The following CALCR variants were observed in gnomAD, a reference collection of about 807,000 sequenced individuals.
The protein encoded by CALCR is calcitonin receptor.
A neutral mutation model predicts 59.5 loss-of-function variants in CALCR; 47 were observed. The observed-to-expected ratio is 0.79, with a 90% CI of 0.63 to 1.01. The LOEUF (loss-of-function observed/expected upper bound fraction) is 1.01, where lower values mean the gene tolerates loss of function less well. Ranked by LOEUF, CALCR falls within the 50% of genes least tolerant of loss-of-function variation. CALCR has a pLI of 0.00. For missense variants in CALCR, 566 were observed against 597.1 expected (o/e 0.95, Z 0.54); for synonymous variants, 213 against 211.3 (o/e 1.01, Z -0.07).
intron 2 of CALCR, among the ~76,000 whole-genome samples, chr7:93,551,317 G>A (rs966851361): frequency 6.6e-6 from 1 of 152,150 alleles, no homozygotes; most frequent in African/African-American, 2.4e-5. Flanking sequence ...ATTTCATCAG[G>A]GAGGGTTCTA....
chr7:93,465,973 T>C (rs1290632127), intron 7 of CALCR, among the ~76,000 whole-genome samples: 1 of 151,784 alleles, frequency 6.6e-6, no homozygotes, highest in Non-Finnish European at 1.5e-5. Context: ...GCTGCAGGGT[T>C]CCTCCTTTTT....
intron 2 of CALCR, 80 bp from the exon 3 acceptor site, chr7:93,487,087 T>C (rs1800962980): frequency 1.4e-6 from 1 of 702,298 alleles, no homozygotes; most frequent in South Asian, 1.9e-5. Flanking sequence ...TCATTTTTTC[T>C]ATTTGACTTA....
intron 2 of CALCR, among the ~76,000 whole-genome samples, chr7:93,494,642 T>C (rs1355106307): frequency 6.6e-6 from 1 of 151,454 alleles, no homozygotes; most frequent in Non-Finnish European, 1.5e-5. Flanking sequence ...AAAGTTGCAC[T>C]GCAGTTGTCC....
At chr7:93,461,350 G>A (rs1194171233) in intron 7 of CALCR, among the ~76,000 whole-genome samples, 1 of 152,136 alleles carries the variant, frequency 6.6e-6, no homozygotes, top group Non-Finnish European at 1.5e-5. Flanking sequence ...TGGCCAGTGA[G>A]GTCACAGAGC....
chr7:93,438,412 A>G, intron 9 of CALCR, 142 bp from the exon 10 acceptor site: 1 of 683,170 alleles, frequency 1.5e-6, no homozygotes, highest in African/African-American at 1.8e-5. Flanking sequence ...TATTTTCACA[A>G]AAATCATCTT....
At chr7:93,469,913 A>T (rs182355005) in intron 6 of CALCR, among the ~76,000 whole-genome samples, 2 of 151,874 alleles carry the variant, frequency 1.3e-5, no homozygotes, top group African/African-American at 4.8e-5. Context: ...GATTCTTGTC[A>T]ATTTCCTCAG....
chr7:93,570,701 G>A (rs1789982779), intron 2 of CALCR, among the ~76,000 whole-genome samples: 1 of 152,174 alleles, frequency 6.6e-6, no homozygotes, highest in Non-Finnish European at 1.5e-5. Flanking sequence ...GTACCAGGCA[G>A]CTGTGCAGAG....
chr7:93,562,431 AC>A (rs1159085866), intron 2 of CALCR, among the ~76,000 whole-genome samples: 103 of 152,294 alleles, frequency 6.8e-4, no homozygotes, highest in African/African-American at 2.4e-3. Context: ...AACAACAACA[AC>A]AACAACAAAA....
At chr7:93,525,528 G>C (rs1363695622) in intron 2 of CALCR, among the ~76,000 whole-genome samples, 1 of 152,188 alleles carries the variant, frequency 6.6e-6, no homozygotes, top group Non-Finnish European at 1.5e-5. Flanking sequence ...GTTGAACACA[G>C]CAAAGGGGCC....
chr7:93,504,322 G>A (rs772242446), intron 2 of CALCR, among the ~76,000 whole-genome samples: 2 of 152,106 alleles, frequency 1.3e-5, no homozygotes, highest in Admixed American at 1.3e-4. Context: ...TTGTAATATT[G>A]TTTAAGTATA....
At chr7:93,470,256 T>TATAC (rs900765452) in intron 6 of CALCR, among the ~76,000 whole-genome samples, 3 of 139,400 alleles carry the variant, frequency 2.2e-5, no homozygotes, top group African/African-American at 8.2e-5. Context: ...TTAGGAATCT[T>TATAC]ATACACACAC....
At chr7:93,469,923 G>T (rs2115846417) in intron 6 of CALCR, among the ~76,000 whole-genome samples, 1 of 151,778 alleles carries the variant, frequency 6.6e-6, no homozygotes, top group East Asian at 1.9e-4. Flanking sequence ...AATTTCCTCA[G>T]AAAGAGTCTG....
rs919513676 is a variant in CALCR, at chr7:93,486,936, G to A, written c.46C>T (p.Leu16=). The change falls in exon 3 of 14, where the codon CTA becomes TTA. Residue 16 remains leucine (L), a synonymous_variant. Transcript: ENST00000426151. ...AATACTTTTGTTTTACTTACATTTA[G>A]AAGAAGAAACAGTGCCAAGCACCGG... ...TSRCLALFLL[L]NHPTPILPAF... The A allele has an allele frequency of 6.3e-6, 10 of 1,578,698 alleles. No individual in the cohort carries two copies. The highest frequency in any genetic ancestry group is 8.7e-6 in the Non-Finnish European group (10 of 1,151,804).
rs545942465 is a variant in CALCR at position 93,474,655 on chromosome 7, A to G, written c.317-2168T>C. ...AATCTGAGTTATTCAGATACTCTCC[A>G]GTTCTTCAAAGCACCCATTCGATGT... On this transcript the variant is annotated intron_variant, in intron 5 of 13. Coordinates refer to ENST00000426151, the MANE Select transcript of CALCR (RefSeq NM_001742.4). 2.0e-5 allele frequency among the ~76,000 whole-genome samples: 3 copies of G among 151,928 alleles called. No individual in the cohort carries two copies. The East Asian group carries it at 5.8e-4, about 30-fold the overall frequency.
intron 9 of CALCR, among the ~76,000 whole-genome samples, chr7:93,439,711 A>AT (rs1799860992): frequency 6.6e-6 from 1 of 151,954 alleles, no homozygotes; most frequent in South Asian, 2.1e-4. Context: ...TGTAGGATTC[A>AT]TTTTTTAAGA....
chr7:93,553,880 C>T (rs1204369237), intron 2 of CALCR, among the ~76,000 whole-genome samples: 1 of 152,144 alleles, frequency 6.6e-6, no homozygotes, highest in Non-Finnish European at 1.5e-5. Flanking sequence ...TCCATGCTAT[C>T]CCACTGTATT....
At chr7:93,540,636 C>T (rs1289544418) in intron 2 of CALCR, among the ~76,000 whole-genome samples, 2 of 150,522 alleles carry the variant, frequency 1.3e-5, no homozygotes, top group African/African-American at 2.4e-5. Flanking sequence ...TCTAACTGTC[C>T]TAATTTTAAA....
intron 2 of CALCR, among the ~76,000 whole-genome samples, chr7:93,527,489 C>A (rs1282911614): frequency 6.6e-6 from 1 of 152,072 alleles, no homozygotes; most frequent in Admixed American, 6.6e-5. Flanking sequence ...AAAAATAATT[C>A]TTGAAATTTA....
chr7:93,429,973 C>T (rs913432688), intron 13 of CALCR, among the ~76,000 whole-genome samples: 2 of 145,088 alleles, frequency 1.4e-5, no homozygotes, highest in Non-Finnish European at 3.0e-5. Flanking sequence ...TTGCTGTCTC[C>T]CAGGCTGGAG....
Sources: allele counts gnomAD v4.1 joint callset (sites outside exome capture counted in the v4.1 genomes callset), GRCh38; gene constraint gnomAD v4.1.1; transcripts MANE v1.5; gene names NCBI Gene and HGNC (gene_info 2026-07-23, HGNC 2026-07-21).